FERMT2: variants seen among roughly 807,000 people sequenced by gnomAD.
The protein encoded by FERMT2 is fermitin family homolog 2.
FERMT2 carries 15 observed loss-of-function variants against 82.7 expected under a neutral mutation model. That is an observed-to-expected ratio of 0.18 (90% CI 0.12 to 0.28). The LOEUF (loss-of-function observed/expected upper bound fraction) is 0.28, where lower values mean the gene tolerates loss of function less well. Ranked by LOEUF, FERMT2 falls within the 10% of genes least tolerant of loss-of-function variation. The probability of loss-of-function intolerance (pLI) is 1.00; values close to 1 mark genes in which losing one functional copy is unlikely to be tolerated. For missense variants in FERMT2, 645 were observed against 809.4 expected (o/e 0.80, Z 2.46); for synonymous variants, 274 against 271.5 (o/e 1.01, Z -0.09).
At chr14:52,885,040 C>T (rs943429600) in intron 4 of FERMT2, among the ~76,000 whole-genome samples, 5 of 143,856 alleles carry the variant, frequency 3.5e-5, no homozygotes, top group Non-Finnish European at 4.6e-5. Flanking sequence ...TGGCCAGGTG[C>T]GGTGGCTCAT....
rs1418272238 is a variant in FERMT2 at position 52,950,715 on chromosome 14, C to T, written c.-9-138G>A. 6 of 817,344 alleles carry T rather than the reference C, an allele frequency of 7.3e-6. No homozygotes were observed. In the Admixed American group the frequency reaches 1.1e-4, roughly 14 times the overall value. 50.6% of individuals were successfully genotyped at this position (817,344 alleles called of 1,614,324 possible). A position where few individuals can be genotyped will look rare whatever the true frequency, so the allele number is the denominator to read the frequency against. ...TTTCGGCAGAAACTCGGGAGGGCGG[C>T]GGCGGCCGGGGCTGCGGGAGGACCC... is the stretch of plus-strand genomic sequence containing the variant. On this transcript the variant is annotated intron_variant, in intron 1 of 14. Transcript: ENST00000341590.
intron 2 of FERMT2, among the ~76,000 whole-genome samples, chr14:52,931,376 G>A (rs1239141061): frequency 3.9e-5 from 6 of 152,180 alleles, no homozygotes. Flanking sequence ...AATGTGCTAA[G>A]AGAAACCATC....
chr14:52,859,758 G>C (rs1482598066), intron 13 of FERMT2, 44 bp from the exon 14 acceptor site: 20 of 1,217,208 alleles, frequency 1.6e-5, no homozygotes, highest in Non-Finnish European at 2.3e-5. Context: ...TGTTGTGGGG[G>C]AACATGTTGG....
chr14:52,858,223 G>C lies in FERMT2; in HGVS notation c.*154C>G. On this transcript the variant is annotated 3_prime_UTR_variant, in exon 15 of 15. Coordinates refer to ENST00000341590, the MANE Select transcript of FERMT2 (RefSeq NM_006832.3). ...ACATGATAGATTAATAGTCGTGCTTGTTTAGTGCACATATTAACTGGTCTG... is the reference window on the plus strand; with the variant it reads ...ACATGATAGATTAATAGTCGTGCTTCTTTAGTGCACATATTAACTGGTCTG... 1 of 620,652 alleles carries C rather than the reference G, an allele frequency of 1.6e-6. No homozygotes were observed. Among genetic ancestry groups the C allele is most frequent in the Non-Finnish European group, 2.8e-6 (1 of 351,868 alleles). 38.4% of individuals were successfully genotyped at this position (620,652 alleles called of 1,614,324 possible).
At chr14:52,870,925 C>T (rs2140086027) in intron 10 of FERMT2, among the ~76,000 whole-genome samples, 1 of 152,260 alleles carries the variant, frequency 6.6e-6, no homozygotes, top group African/African-American at 2.4e-5. Context: ...AGCCCTTTTC[C>T]CTGGTGCTGT....
intron 2 of FERMT2, among the ~76,000 whole-genome samples, chr14:52,931,789 G>C (rs1392014051): frequency 6.6e-6 from 1 of 152,304 alleles, no homozygotes; most frequent in South Asian, 2.1e-4. Context: ...AGCAACTCCG[G>C]GAGGATGAAA....
At chr14:52,948,555 T>C (rs551481678) in intron 2 of FERMT2, 219 of 455,820 alleles carry the variant, frequency 4.8e-4, no homozygotes, top group African/African-American at 4.0e-3. Flanking sequence ...CGCACAGCAT[T>C]TCCTACCTTG....
In FERMT2 at chr14:52,924,061, A is replaced by G. The variant is rs144732660; in HGVS notation, c.158-4705T>C. ...GTAATCACTACCACAGAATAAGAAC[A>G]TCAGACGTGCTGAATTCGTGAATTC... On this transcript the variant is annotated intron_variant, in intron 2 of 14. Coordinates refer to ENST00000341590, the MANE Select transcript of FERMT2 (RefSeq NM_006832.3). 7.2e-5 allele frequency among the ~76,000 whole-genome samples: 11 copies of G among 152,330 alleles called. No homozygotes were observed. The East Asian group carries it at 1.7e-3, about 24-fold the overall frequency.
At chr14:52,932,159 CA>C (rs1323991870) in intron 2 of FERMT2, among the ~76,000 whole-genome samples, 2 of 152,320 alleles carry the variant, frequency 1.3e-5, no homozygotes, top group East Asian at 3.9e-4. Flanking sequence ...ATAAAGTTAG[CA>C]TATGTAGGAA....
intron 2 of FERMT2, among the ~76,000 whole-genome samples, chr14:52,934,907 GCA>G (rs139915706): frequency 0.012 from 1,796 of 152,324 alleles, 53 homozygotes; most frequent in East Asian, 0.074. Flanking sequence ...TGAACTGTAT[GCA>G]CAGTGGCCAA....
chr14:52,916,817 C>T (rs376078241), intron 3 of FERMT2, among the ~76,000 whole-genome samples: 2 of 152,162 alleles, frequency 1.3e-5, no homozygotes, highest in African/African-American at 4.8e-5. Context: ...TGTACTTTTG[C>T]TCAACTTTGC....
chr14:52,919,152 T>C lies in FERMT2; in HGVS notation c.362A>G (p.Lys121Arg). The part of the protein sequence containing the change: ...VKVNFSDRVF[K>R]AVSDICKTFN... ...AGTCTTACAGATGTCAGAAACAGCT[T>C]TGAAGACTCTATCAGAGAAATTCAC... Residue 121 changes from lysine to arginine, a missense_variant, in exon 3 of 15, where the codon AAA (lysine) becomes AGA (arginine). Physicochemically the swap from Lys to Arg is conservative, Grantham distance 26. Coordinates refer to ENST00000341590, the MANE Select transcript of FERMT2 (RefSeq NM_006832.3). 1 of 1,613,544 alleles carries C rather than the reference T, an allele frequency of 6.2e-7. No individual in the cohort carries two copies. The highest frequency in any genetic ancestry group is 8.5e-7 in the Non-Finnish European group (1 of 1,179,544).
intron 3 of FERMT2, among the ~76,000 whole-genome samples, chr14:52,903,559 A>G (rs1351849372): frequency 6.6e-6 from 1 of 151,886 alleles, no homozygotes; most frequent in Non-Finnish European, 1.5e-5. Context: ...AAATAAATAA[A>G]AGAAAAAAGA....
At chr14:52,929,990 G>C (rs1044078732) in intron 2 of FERMT2, among the ~76,000 whole-genome samples, 1 of 152,080 alleles carries the variant, frequency 6.6e-6, no homozygotes, top group Non-Finnish European at 1.5e-5. Context: ...AAATTTTAAA[G>C]ATCTCTCATT....
intron 2 of FERMT2, among the ~76,000 whole-genome samples, chr14:52,948,142 C>T (rs919513488): frequency 1.3e-5 from 2 of 152,192 alleles, no homozygotes; most frequent in African/African-American, 4.8e-5. Context: ...CCACCATCTC[C>T]ACCTTTTATC....
intron 6 of FERMT2, among the ~76,000 whole-genome samples, chr14:52,880,672 C>T (rs1886239547): frequency 6.6e-6 from 1 of 152,270 alleles, no homozygotes; most frequent in African/African-American, 2.4e-5. Flanking sequence ...GCTGAGATTA[C>T]AGGCGTTGAG....
intron 2 of FERMT2, among the ~76,000 whole-genome samples, chr14:52,926,584 T>C (rs567257747): frequency 6.6e-6 from 1 of 152,318 alleles, no homozygotes; most frequent in South Asian, 2.1e-4. Context: ...TCCAAGGTCA[T>C]GATTTTCAGT....
At chr14:52,895,462 C>T (rs1396657226) in intron 3 of FERMT2, among the ~76,000 whole-genome samples, 5 of 152,080 alleles carry the variant, frequency 3.3e-5, no homozygotes, top group African/African-American at 4.8e-5. Context: ...TGCAAACCAA[C>T]GGTATACTAC....
intron 14 of FERMT2, 122 bp from the exon 15 acceptor site, chr14:52,858,672 A>G: frequency 1.2e-6 from 1 of 862,092 alleles, no homozygotes; most frequent in South Asian, 1.8e-5. Flanking sequence ...TCAAATGATC[A>G]GTCTGTCTAA....
Sources: gnomAD v4.1 joint callset for allele counts (sites outside exome capture counted in the v4.1 genomes callset) on GRCh38, gnomAD v4.1.1 for gene constraint, MANE v1.5 for transcripts, NCBI Gene and HGNC (gene_info 2026-07-23, HGNC 2026-07-21) for gene names.